IL1RAPL2: variants seen among roughly 807,000 people sequenced by gnomAD.
The protein encoded by IL1RAPL2 is X-linked interleukin-1 receptor accessory protein-like 2.
IL1RAPL2 carries 3 observed loss-of-function variants against 44.1 expected under a neutral mutation model. That is an observed-to-expected ratio of 0.07 (90% CI 0.03 to 0.18). The LOEUF is 0.18. IL1RAPL2 is among the 10% of genes least tolerant of loss of function. The pLI, the probability that IL1RAPL2 is intolerant of heterozygous loss-of-function variation, is 1.00. For missense variants in IL1RAPL2, 391 were observed against 496.4 expected, an observed-to-expected ratio of 0.79 and a Z score of 2.02; for synonymous variants, 181 against 178.8, an observed-to-expected ratio of 1.01 and a Z score of -0.10.
chrX:105,608,438 G>A (rs747922088), intron 6 of IL1RAPL2, among the ~76,000 whole-genome samples: 6 of 111,908 alleles, frequency 5.4e-5, no homozygotes, highest in Non-Finnish European at 1.1e-4. Context: ...AAGAGTAAGT[G>A]GGCAAGCAAA....
At chrX:105,616,677 G>GT (rs1244229362) in intron 6 of IL1RAPL2, among the ~76,000 whole-genome samples, 3 of 111,028 alleles carry the variant, frequency 2.7e-5, no homozygotes, top group Non-Finnish European at 3.8e-5. Flanking sequence ...CTTAATGACA[G>GT]TTTTTTGTCA....
intron 5 of IL1RAPL2, among the ~76,000 whole-genome samples, chrX:105,275,249 G>A (rs965849981): frequency 1.8e-5 from 2 of 109,951 alleles, no homozygotes; most frequent in Admixed American, 9.7e-5. Context: ...TATATTTTTA[G>A]GACATTTCCT....
chrX:105,540,806 T>C (rs2036716540), intron 6 of IL1RAPL2, among the ~76,000 whole-genome samples: 1 of 72,200 alleles, frequency 1.4e-5, no homozygotes, highest in Non-Finnish European at 2.4e-5. Context: ...ATATATTAGT[T>C]ATATAATATA....
chrX:105,364,952 C>T (rs2035282566), intron 5 of IL1RAPL2, among the ~76,000 whole-genome samples: 1 of 111,591 alleles, frequency 9.0e-6, no homozygotes, highest in Non-Finnish European at 1.9e-5. Context: ...ATATAAAAGG[C>T]AAGAGTGTAC....
chrX:105,067,371 T>C (rs1320558808), intron 2 of IL1RAPL2, among the ~76,000 whole-genome samples: 1 of 111,518 alleles, frequency 9.0e-6, no homozygotes, highest in Non-Finnish European at 1.9e-5. Context: ...AAATGCTCCA[T>C]AGTACATTCC....
intron 5 of IL1RAPL2, among the ~76,000 whole-genome samples, chrX:105,322,826 G>A (rs868242315): frequency 1.8e-5 from 2 of 111,473 alleles, no homozygotes; most frequent in African/African-American, 6.5e-5. Flanking sequence ...CTTAATTACA[G>A]GAGTGAGAAC....
intron 5 of IL1RAPL2, among the ~76,000 whole-genome samples, chrX:105,330,665 A>G (rs1254348731): frequency 1.8e-5 from 2 of 111,761 alleles, no homozygotes; most frequent in East Asian, 2.8e-4. Flanking sequence ...TGGAAGTTAT[A>G]ATTAATAATC....
At chrX:105,547,914 T>C (rs1195936296) in intron 6 of IL1RAPL2, among the ~76,000 whole-genome samples, 2 of 112,348 alleles carry the variant, frequency 1.8e-5, no homozygotes, top group Non-Finnish European at 3.8e-5. Flanking sequence ...TAGGGAAAAT[T>C]TGTGGCTATT....
chrX:105,717,472 G>A lies in IL1RAPL2; in HGVS notation c.878G>A (p.Gly293Asp), dbSNP rs2038266712. ...KGEKFIEELA[G>D]HIREGEIRLL... ...GAAAAGTTTATTGAAGAACTGGCAG[G>A]TCACATTAGAGAAGGTGAAATAAGG... The change falls in exon 7 of 11, where the codon GGT becomes GAT. Residue 293 changes from glycine to aspartate, a missense_variant. Around this residue, in one of 2 missense-constraint regions of IL1RAPL2, gnomAD observed 159 missense variants for 251.7 expected, o/e 0.63. Transcript: ENST00000372582. The A allele has an allele frequency of 2.5e-6, 3 of 1,202,519 alleles. No individual in the cohort carries two copies. The highest frequency in any genetic ancestry group is 3.4e-6 in the Non-Finnish European group (3 of 890,230).
Position 105,596,594 on chromosome X carries a change from G to A in IL1RAPL2, c.772+112207G>A, listed in dbSNP as rs534898780. ...GGCCTAAAATGTGATCTGTTCTGGA[G>A]AATGCTCCACATGTGCTTGAGAAGA... On this transcript the variant is annotated intron_variant, in intron 6 of 10. Transcript: ENST00000372582. Among the ~76,000 whole-genome samples the A allele has an allele frequency of 6.3e-5, 7 of 111,762 alleles. No homozygotes were observed. In the South Asian group the frequency reaches 2.6e-3, roughly 42 times the overall value.
At chrX:105,222,028 T>A (rs1203478356) in intron 3 of IL1RAPL2, among the ~76,000 whole-genome samples, 1 of 111,522 alleles carries the variant, frequency 9.0e-6, no homozygotes, top group Non-Finnish European at 1.9e-5. Context: ...ATCTTTCCTA[T>A]GATCATGTTT....
intron 2 of IL1RAPL2, among the ~76,000 whole-genome samples, chrX:105,024,801 C>A (rs1452350121): frequency 1.8e-5 from 2 of 111,434 alleles, no homozygotes; most frequent in African/African-American, 6.5e-5. Context: ...AGAGATGGGT[C>A]AGTTACAGAT....
intron 5 of IL1RAPL2, among the ~76,000 whole-genome samples, chrX:105,459,675 G>A (rs183420398): frequency 3.6e-5 from 4 of 111,512 alleles, no homozygotes; most frequent in Non-Finnish European, 7.6e-5. Context: ...ATCTCTTTAT[G>A]TAGAAACTAA....
chrX:104,821,849 G>T (rs1041390458), intron 2 of IL1RAPL2, among the ~76,000 whole-genome samples: 6 of 111,705 alleles, frequency 5.4e-5, no homozygotes, highest in Admixed American at 9.5e-5. Flanking sequence ...GAACTAATTT[G>T]CACTCCCACC....
intron 6 of IL1RAPL2, among the ~76,000 whole-genome samples, chrX:105,614,249 T>A (rs946974027): frequency 1.8e-5 from 2 of 112,034 alleles, no homozygotes; most frequent in African/African-American, 3.2e-5. Context: ...AAAATGTCTA[T>A]ACTACCCAAA....
intron 2 of IL1RAPL2, among the ~76,000 whole-genome samples, chrX:104,905,041 C>A (rs1219795677): frequency 9.0e-6 from 1 of 110,832 alleles, no homozygotes; most frequent in African/African-American, 3.3e-5. Context: ...ATTTGCATTT[C>A]TCTGATGGCC....
chrX:105,053,563 CA>C (rs2031954746), intron 2 of IL1RAPL2, among the ~76,000 whole-genome samples: 1 of 111,239 alleles, frequency 9.0e-6, no homozygotes, highest in Non-Finnish European at 1.9e-5. Context: ...CCTAAGAAAA[CA>C]GAGTCTAGAA....
intron 6 of IL1RAPL2, among the ~76,000 whole-genome samples, chrX:105,653,219 ATTT>A (rs2037653375): frequency 9.0e-6 from 1 of 111,523 alleles, no homozygotes; most frequent in Non-Finnish European, 1.9e-5. Context: ...TCCTTAGGAA[ATTT>A]CAGTTTTCTT....
At chrX:105,160,079 C>T (rs1275530389) in intron 2 of IL1RAPL2, among the ~76,000 whole-genome samples, 1 of 106,988 alleles carries the variant, frequency 9.3e-6, no homozygotes, top group African/African-American at 3.5e-5. Context: ...CCTAGTGATC[C>T]AATCTGAGGC....
Sources: gnomAD v4.1 joint callset for allele counts (sites outside exome capture counted in the v4.1 genomes callset) on GRCh38, gnomAD v4.1.1 for gene constraint, gnomAD v4.1.1 regional missense constraint, MANE v1.5 for transcripts, NCBI Gene and HGNC (gene_info 2026-07-23, HGNC 2026-07-21) for gene names.